DGAT1: variants seen among roughly 807,000 people sequenced by gnomAD.
DGAT1 encodes the protein ACAT related gene product 1.
DGAT1 carries 60 observed loss-of-function variants against 72.6 expected under a neutral mutation model. The observed-to-expected ratio is 0.83, with a 90% CI of 0.67 to 1.02. DGAT1 has a LOEUF of 1.02. Among genes scored for constraint, DGAT1 ranks in the 50% least tolerant of loss-of-function variants. The pLI is 0.00. For missense variants in DGAT1, 592 were observed against 670.0 expected, an observed-to-expected ratio of 0.88 and a Z score of 1.29; for synonymous variants, 290 against 267.5, an observed-to-expected ratio of 1.08 and a Z score of -0.82.
chr8:144,324,401 A>G (rs1479297450), intron 1 of DGAT1, among the ~76,000 whole-genome samples: 1 of 152,182 alleles, frequency 6.6e-6, no homozygotes, highest in Non-Finnish European at 1.5e-5. Flanking sequence ...CCTGACGCAG[A>G]CAGCAGGGAG....
chr8:144,326,731 C>T lies in DGAT1; in HGVS notation c.-95G>A. ...CCCACCTCCGGGCCCTAGACAACGGCCGCCACTGCCCCCTGCCGGCCGCCG... is the reference window on the plus strand; with the variant it reads ...CCCACCTCCGGGCCCTAGACAACGGTCGCCACTGCCCCCTGCCGGCCGCCG... On this transcript the variant is annotated 5_prime_UTR_variant, in exon 1 of 17. Transcript: ENST00000528718. 1 of 1,005,844 alleles carries T rather than the reference C, an allele frequency of 9.9e-7. No individual in the cohort carries two copies. The highest frequency in any genetic ancestry group is 1.2e-6 in the Non-Finnish European group (1 of 821,768). 62.3% of individuals were successfully genotyped at this position (1,005,844 alleles called of 1,614,324 possible).
intron 16 of DGAT1, 45 bp downstream of exon 16, chr8:144,316,808 G>A (rs1554847099): frequency 1.9e-6 from 3 of 1,599,676 alleles, no homozygotes; most frequent in Middle Eastern, 1.7e-4. Flanking sequence ...GGGTTCAGGT[G>A]CGGGGTAACT....
chr8:144,321,904 G>A (rs144073522), intron 1 of DGAT1, among the ~76,000 whole-genome samples: 1,585 of 152,350 alleles, frequency 0.01, 28 homozygotes, highest in African/African-American at 0.036. Flanking sequence ...ACACTTGGAC[G>A]TGCAGGCTCA....
intron 15 of DGAT1, 37 bp from the exon 16 acceptor site, chr8:144,316,952 G>A (rs1817252192): frequency 1.2e-6 from 2 of 1,612,246 alleles, no homozygotes; most frequent in African/African-American, 1.3e-5. Flanking sequence ...AGGGAGTGGG[G>A]TGTCAGCCGT....
rs1554847518 is a variant in DGAT1 at position 144,318,143 on chromosome 8, C to G, written c.703G>C (p.Ala235Pro). Residue 235 changes from alanine to proline, a missense_variant, in exon 8 of 17, where the codon GCT becomes CCT. Ala to Pro is a conservative substitution (Grantham distance 27). Coordinates refer to ENST00000528718, the MANE Select transcript of DGAT1 (RefSeq NM_012079.6). ...AASAGKKASS[A>P]AAPHTVSYPD... ...TAGCTCACGGTGTGCGGGGCAGCAG[C>G]ACTGCTGGCCTTCTTCCCTGCAGAG... 1 of 1,572,244 alleles carries G rather than the reference C, an allele frequency of 6.4e-7. No individual in the cohort carries two copies. The highest frequency in any genetic ancestry group is 1.2e-5 in the South Asian group (1 of 86,364).
At chr8:144,320,696 C>A (rs1238463714) in intron 2 of DGAT1, among the ~76,000 whole-genome samples, 5 of 152,082 alleles carry the variant, frequency 3.3e-5, no homozygotes, top group Non-Finnish European at 7.4e-5. Context: ...CCAGTGGGAA[C>A]CAGGCCCAGA....
chr8:144,322,497 C>T (rs1405500430), intron 1 of DGAT1, among the ~76,000 whole-genome samples: 5 of 152,132 alleles, frequency 3.3e-5, no homozygotes, highest in African/African-American at 9.7e-5. Flanking sequence ...GCCCTCAGGG[C>T]ACCCAAGGCA....
rs527813714 is a variant in DGAT1 at position 144,318,085 on chromosome 8, A to G, written c.751+10T>C. ...TGTCCCCCGCACCTCAGGCCCACAG[A>G]GGTCCTCACCGCGGTAGGTCAGATT... On this transcript the variant is annotated intron_variant, in intron 8 of 16. Transcript: ENST00000528718. 5.0e-5 allele frequency: 77 copies of G among 1,525,366 alleles called. No homozygotes were observed. The African/African-American group carries it at 8.3e-4, about 16-fold the overall frequency. 94.5% of individuals were successfully genotyped at this position (1,525,366 alleles called of 1,614,324 possible).
rs1554848889 is a variant in DGAT1, at chr8:144,326,816, C to T, written c.-180G>A. The T allele has an allele frequency of 1.5e-5, 5 of 343,284 alleles. No individual in the cohort carries two copies. Among genetic ancestry groups the T allele is most frequent in the Non-Finnish European group, 2.3e-5 (5 of 222,000 alleles). The allele number at this position is 343,284 out of a possible 1,614,324, so 21.3% of individuals were successfully genotyped here. ...CCGCCCGCGTCGGGCCCGTCGGCCT[C>T]AAGGACAACGGCTGCGTTGCTCCGG... is the stretch of plus-strand genomic sequence containing the variant. On this transcript the variant is annotated 5_prime_UTR_variant, in exon 1 of 17. Coordinates refer to ENST00000528718, the MANE Select transcript of DGAT1 (RefSeq NM_012079.6).
Position 144,314,844 on chromosome 8 carries a change from G to T in DGAT1, c.*1710C>A. The T allele has an allele frequency of 1.1e-6, 1 of 944,790 alleles. No homozygotes were observed. The allele number at this position is 944,790 out of a possible 1,614,324, so 58.5% of individuals were successfully genotyped here. On this transcript the variant is annotated 3_prime_UTR_variant, in exon 17 of 17. Coordinates refer to ENST00000528718, the MANE Select transcript of DGAT1 (RefSeq NM_012079.6). ...TCCTGGGGGAAGACGGATGCTTGCA[G>T]CTAGCTCCGTGCCTGCCCGACTCCC... is the stretch of plus-strand genomic sequence containing the variant.
At chr8:144,321,901 G>C (rs1390103578) in intron 1 of DGAT1, among the ~76,000 whole-genome samples, 1 of 152,246 alleles carries the variant, frequency 6.6e-6, no homozygotes, top group Non-Finnish European at 1.5e-5. Context: ...CCCACACTTG[G>C]ACGTGCAGGC....
chr8:144,317,753 G>A, intron 10 of DGAT1, 31 bp downstream of exon 10: 5 of 1,613,550 alleles, frequency 3.1e-6, no homozygotes, highest in Non-Finnish European at 4.2e-6. Flanking sequence ...GCCATGCCCA[G>A]CTACACCCAA....
In DGAT1 at chr8:144,326,846, GCTAA is replaced by G. The variant is rs1168605476; in HGVS notation, c.-214_-211del. 14 of 257,702 alleles carry G rather than the reference GCTAA, an allele frequency of 5.4e-5. No homozygotes were observed. The highest frequency in any genetic ancestry group is 1.8e-4 in the African/African-American group (8 of 43,938). The allele number at this position is 257,702 out of a possible 1,614,324, so 16.0% of individuals were successfully genotyped here. ...ACAACGGCTGCGTTGCTCCGGAGCC[GCTAA>G]CTAATGGACGGCCGCCTCTCTCGTC... On this transcript the variant is annotated 5_prime_UTR_variant, in exon 1 of 17. Transcript: ENST00000528718.
At position 144,315,510 on chromosome 8, in the gene DGAT1, T is replaced by C. The variant is rs1817170183; in HGVS notation, c.*1044A>G. The C allele has an allele frequency of 1.0e-6, 1 of 985,510 alleles. No homozygotes were observed. The highest frequency in any genetic ancestry group is 1.1e-4 in the East Asian group (1 of 8,788). The allele number at this position is 985,510 out of a possible 1,614,324, so 61.0% of individuals were successfully genotyped here. A position where few individuals can be genotyped will look rare whatever the true frequency, so the allele number is the denominator to read the frequency against. The stretch of plus-strand genomic sequence containing the variant: ...CTGGGGACACCAGGGCCTGGTCCAG[T>C]CTTGGGGTCTTTAATCAAGCAGTCA... On this transcript the variant is annotated 3_prime_UTR_variant, in exon 17 of 17. Coordinates refer to ENST00000528718, the MANE Select transcript of DGAT1 (RefSeq NM_012079.6).
chr8:144,320,949 TC>T (rs1554848047), intron 2 of DGAT1, among the ~76,000 whole-genome samples: 1 of 151,924 alleles, frequency 6.6e-6, no homozygotes, highest in Non-Finnish European at 1.5e-5. Context: ...CAAGACCCCC[TC>T]CACCCTGCCC....
rs1817126392 is a variant in DGAT1, at chr8:144,314,801, G to A, written c.*1753C>T. ...TGAGGAGGGGCCCAGGGCACAGAAG[G>A]GCCGGGCTGCAGTGGCCTCCTGGGG... On this transcript the variant is annotated 3_prime_UTR_variant, in exon 17 of 17. Coordinates refer to ENST00000528718, the MANE Select transcript of DGAT1 (RefSeq NM_012079.6). The A allele has an allele frequency of 3.2e-6, 2 of 634,604 alleles. No homozygotes were observed. The highest frequency in any genetic ancestry group is 4.0e-6 in the Non-Finnish European group (2 of 505,992). The allele number at this position is 634,604 out of a possible 1,614,324, so 39.3% of individuals were successfully genotyped here. A position where few individuals can be genotyped will look rare whatever the true frequency, so the allele number is the denominator to read the frequency against.
chr8:144,316,555 C>T lies in DGAT1; in HGVS notation c.1466G>A (p.Ter489=). The change falls in exon 17 of 17, where the codon TGA becomes TAA. Residue 489 remains the stop codon, a stop_retained_variant. Transcript: ENST00000528718. Reference sequence around the variant, plus strand: ...AGAAGCCAGGCCCTCAGGTGCAGCTCAGGCCTCTGCCGCTGGGGCCTCATA... The same window carrying T: ...AGAAGCCAGGCCCTCAGGTGCAGCTTAGGCCTCTGCCGCTGGGGCCTCATA... The part of the protein sequence containing the change: ...LNYEAPAAEA[*] 7 of 1,590,784 alleles carry T rather than the reference C, an allele frequency of 4.4e-6. No individual in the cohort carries two copies. The highest frequency in any genetic ancestry group is 6.0e-6 in the Non-Finnish European group (7 of 1,169,388).
At position 144,326,503 on chromosome 8, in the gene DGAT1, T is replaced by C; in HGVS notation, c.134A>G (p.Asp45Gly). The C allele has an allele frequency of 7.8e-7, 1 of 1,278,154 alleles. No homozygotes were observed. The highest frequency in any genetic ancestry group is 9.9e-7 in the Non-Finnish European group (1 of 1,008,946). The allele number at this position is 1,278,154 out of a possible 1,614,324, so 79.2% of individuals were successfully genotyped here. A position where few individuals can be genotyped will look rare whatever the true frequency, so the allele number is the denominator to read the frequency against. The change falls in exon 1 of 17, where the codon GAC becomes GGC. Residue 45 changes from aspartate (D) to glycine (G), a missense_variant. Asp to Gly is a moderately conservative substitution (Grantham distance 94). Transcript: ENST00000528718. Reference protein sequence around the residue: ...AAGPDVGAAGDAPAPAPNKDG... With the variant: ...AAGPDVGAAGGAPAPAPNKDG... ...CTTGTTGGGGGCCGGGGCTGGCGCG[T>C]CCCCCGCGGCTCCCACGTCGGGGCC...
At chr8:144,321,267 G>C (rs1554848085) in intron 2 of DGAT1, 54 bp downstream of exon 2, 2 of 1,558,522 alleles carry the variant, frequency 1.3e-6, no homozygotes, top group Non-Finnish European at 1.8e-6. Flanking sequence ...AGGCCAGCCT[G>C]GGACAGAGCC....
Sources: allele counts gnomAD v4.1 joint callset (sites outside exome capture counted in the v4.1 genomes callset), GRCh38; gene constraint gnomAD v4.1.1; transcripts MANE v1.5; gene names NCBI Gene and HGNC (gene_info 2026-07-23, HGNC 2026-07-21).